MCF2L2: variants seen among roughly 807,000 people sequenced by gnomAD.
The protein encoded by MCF2L2 is MCF.2 cell line derived transforming sequence-like 2.
MCF2L2 carries 102 observed loss-of-function variants against 150.2 expected under a neutral mutation model. The ratio of observed to expected loss-of-function variants is 0.68; its 90% CI spans 0.58 to 0.80. MCF2L2 has a LOEUF of 0.80. MCF2L2 is among the 30% of genes least tolerant of loss of function. MCF2L2 has a pLI of 0.00. For synonymous variants in MCF2L2, 465 were observed against 491.3 expected, an observed-to-expected ratio of 0.95 and a Z score of 0.71; for missense variants, 1,256 against 1,372.8, an observed-to-expected ratio of 0.91 and a Z score of 1.34.
intron 2 of MCF2L2, among the ~76,000 whole-genome samples, chr3:183,385,462 G>A (rs1164974425): frequency 3.9e-5 from 6 of 152,148 alleles, no homozygotes; most frequent in Admixed American, 3.3e-4. Context: ...CTTCATTGGT[G>A]TGTATGAGGT....
chr3:183,410,134 C>T (rs753726784), intron 1 of MCF2L2, among the ~76,000 whole-genome samples: 1 of 152,238 alleles, frequency 6.6e-6, no homozygotes, highest in African/African-American at 2.4e-5. Context: ...CCCCTTATCC[C>T]GCCAATTAAA....
chr3:183,324,154 C>T (rs559375818), intron 5 of MCF2L2, among the ~76,000 whole-genome samples: 34 of 152,262 alleles, frequency 2.2e-4, no homozygotes, highest in African/African-American at 7.2e-4. Context: ...TGGTGCGCCC[C>T]GATGAAGAAT....
intron 1 of MCF2L2, among the ~76,000 whole-genome samples, chr3:183,404,341 C>T (rs1382523102): frequency 1.3e-5 from 2 of 152,094 alleles, no homozygotes; most frequent in Non-Finnish European, 2.9e-5. Flanking sequence ...ATTACAGGTA[C>T]GGCATCATTC....
chr3:183,199,221 T>C (rs965293786), intron 25 of MCF2L2, among the ~76,000 whole-genome samples: 7 of 152,240 alleles, frequency 4.6e-5, no homozygotes, highest in African/African-American at 1.7e-4. Context: ...TGTGAGCCAG[T>C]TGCATTCCTG....
At chr3:183,361,128 G>GA (rs1712175846) in intron 3 of MCF2L2, among the ~76,000 whole-genome samples, 1 of 89,804 alleles carries the variant, frequency 1.1e-5, no homozygotes, top group African/African-American at 8.8e-5. Context: ...AAAAAGAAAA[G>GA]AAAAAGGAAA....
chr3:183,383,286 G>A (rs1205396915), intron 2 of MCF2L2, among the ~76,000 whole-genome samples: 2 of 151,996 alleles, frequency 1.3e-5, no homozygotes, highest in Non-Finnish European at 2.9e-5. Flanking sequence ...CCAGGCTGGA[G>A]TGCAATGGCA....
intron 22 of MCF2L2, among the ~76,000 whole-genome samples, chr3:183,213,299 A>G (rs1374963409): frequency 1.3e-5 from 2 of 151,372 alleles, no homozygotes; most frequent in African/African-American, 2.4e-5. Flanking sequence ...GAAGTAAATT[A>G]TAACTCAGTG....
chr3:183,269,726 C>T, intron 15 of MCF2L2: 3 of 1,377,380 alleles, frequency 2.2e-6, no homozygotes, highest in Non-Finnish European at 3.0e-6. Flanking sequence ...CTACGAAACA[C>T]GAAGTTCTAT....
chr3:183,195,241 G>A lies in MCF2L2; in HGVS notation c.2899C>T (p.Gln967Ter). The change falls in exon 26 of 30, where the codon CAG (glutamine) becomes TAG (stop). Residue 967 changes from glutamine (Q) to a stop codon, truncating the protein, a stop_gained. Transcript: ENST00000328913. LOFTEE classifies it high-confidence loss of function. ...QNNIKDQGNP[Q>*]FEMSTSKGSG... ...ACTCACCTCGTGCTCATTTCAAACT[G>A]TGGATTTCCTTGGTCTAAAATTTTA... 1.2e-6 allele frequency: 2 copies of A among 1,604,392 alleles called. No homozygotes were observed. Among genetic ancestry groups the A allele is most frequent in the Non-Finnish European group, 1.7e-6 (2 of 1,177,136 alleles).
In MCF2L2 at chr3:183,229,721, T is replaced by C. The variant is rs777708205; in HGVS notation, c.1990A>G (p.Asn664Asp). The C allele has an allele frequency of 5.6e-6, 9 of 1,605,724 alleles. No homozygotes were observed. In the Admixed American group the frequency reaches 8.4e-5, roughly 15 times the overall value. ...TTCCCAAAGAGAAAGTCCTTGTTAT[T>C]CTGAAGAACATCTGGAATTAGATGC... ...LKHLIPDVLQ[N>D]NKDFLFGNIR... is the part of the protein sequence containing the mutation. The change falls in exon 17 of 30, where the codon AAT becomes GAT. Residue 664 changes from asparagine (N) to aspartate (D), a missense_variant. Coordinates refer to ENST00000328913, the MANE Select transcript of MCF2L2 (RefSeq NM_015078.4).
At chr3:183,419,423 T>TC (rs1277764223) in intron 1 of MCF2L2, among the ~76,000 whole-genome samples, 2 of 152,256 alleles carry the variant, frequency 1.3e-5, no homozygotes. Flanking sequence ...CTTGAATTCC[T>TC]CCCCAGAAAA....
chr3:183,179,965 A>C lies in MCF2L2; in HGVS notation c.3105+106T>G. On this transcript the variant is annotated intron_variant, in intron 28 of 29. Transcript: ENST00000328913. This position sits in a 1 kb window ranked among gnomAD's most constrained non-coding sequence, Gnocchi z 4.2. ...GCTTAACCAGGTCCTTATGGGTGAG[A>C]ATCCTGAGGAGGGGGAGAGGGATGG... The C allele has an allele frequency of 1.0e-6, 1 of 960,430 alleles. No individual in the cohort carries two copies. Among genetic ancestry groups the C allele is most frequent in the Non-Finnish European group, 1.6e-6 (1 of 606,596 alleles). The allele number at this position is 960,430 out of a possible 1,614,324, so 59.5% of individuals were successfully genotyped here. A position where few individuals can be genotyped will look rare whatever the true frequency, so the allele number is the denominator to read the frequency against.
chr3:183,185,111 G>C (rs1267324773), intron 27 of MCF2L2, among the ~76,000 whole-genome samples: 1 of 152,118 alleles, frequency 6.6e-6, no homozygotes, highest in Non-Finnish European at 1.5e-5. Context: ...GTAGAGACAG[G>C]GTTTCACCAT....
intron 7 of MCF2L2, among the ~76,000 whole-genome samples, chr3:183,315,219 A>G (rs992922857): frequency 1.3e-5 from 2 of 151,828 alleles, no homozygotes; most frequent in Non-Finnish European, 2.9e-5. Flanking sequence ...GACTACATAC[A>G]GGATTGAGCC....
chr3:183,356,368 T>C (rs1254088096), intron 3 of MCF2L2, among the ~76,000 whole-genome samples: 2 of 151,880 alleles, frequency 1.3e-5, no homozygotes, highest in South Asian at 2.1e-4. Flanking sequence ...TAAAAATTAG[T>C]TGGGCGTGGT....
Position 183,223,412 on chromosome 3 carries a change from A to C in MCF2L2, c.2235T>G (p.Asn745Lys). The C allele has an allele frequency of 6.2e-7, 1 of 1,614,120 alleles. No homozygotes were observed. The highest frequency in any genetic ancestry group is 8.5e-7 in the Non-Finnish European group (1 of 1,179,958). The change falls in exon 20 of 30, where the codon AAT becomes AAG. Residue 745 changes from asparagine to lysine, a missense_variant. Coordinates refer to ENST00000328913, the MANE Select transcript of MCF2L2 (RefSeq NM_015078.4). ...CTTTGAGATACTTAAAAAGAGGGAG[A>C]TTGTGATCCAGTTGGCGCTGGCATA... ...FGVCQRQLDH[N>K]LPLFKYLKGP...
chr3:183,415,576 A>T (rs1036794994), intron 1 of MCF2L2, among the ~76,000 whole-genome samples: 1 of 152,112 alleles, frequency 6.6e-6, no homozygotes, highest in Non-Finnish European at 1.5e-5. Context: ...TGTAATTATT[A>T]TATCTTGGTG....
chr3:183,311,294 C>T (rs1445690645), intron 8 of MCF2L2, among the ~76,000 whole-genome samples: 1 of 152,150 alleles, frequency 6.6e-6, no homozygotes. Context: ...TCCGGCTGAT[C>T]TTACCTTCAT....
At chr3:183,322,658 C>T (rs1289873584) in intron 6 of MCF2L2, among the ~76,000 whole-genome samples, 5 of 152,080 alleles carry the variant, frequency 3.3e-5, no homozygotes, top group Non-Finnish European at 5.9e-5. Context: ...ATTTTAGATT[C>T]GGGGGTACAT....
Sources: allele counts gnomAD v4.1 joint callset (sites outside exome capture counted in the v4.1 genomes callset), GRCh38; gene constraint gnomAD v4.1.1; non-coding constraint Gnocchi (gnomAD v3.1); transcripts MANE v1.5; gene names NCBI Gene and HGNC (gene_info 2026-07-23, HGNC 2026-07-21).